The following CENPP variants were observed in gnomAD, a reference collection of about 807,000 sequenced individuals.
The protein encoded by CENPP is centromere protein P.
A neutral mutation model predicts 35.6 loss-of-function variants in CENPP; 24 were observed. That is an observed-to-expected ratio of 0.67 (90% CI 0.49 to 0.95). The LOEUF (loss-of-function observed/expected upper bound fraction) is 0.95. Ranked by LOEUF, CENPP falls within the 40% of genes least tolerant of loss-of-function variation. The pLI, the probability that CENPP is intolerant of heterozygous loss-of-function variation, is 0.00. For synonymous variants in CENPP, 120 were observed against 125.5 expected (o/e 0.96, Z 0.29); for missense variants, 332 against 345.3 (o/e 0.96, Z 0.31).
At chr9:92,351,492 A>C (rs1564273443) in intron 4 of CENPP, among the ~76,000 whole-genome samples, 1 of 151,676 alleles carries the variant, frequency 6.6e-6, no homozygotes, top group African/African-American at 2.4e-5. Context: ...AAAAAAAAAA[A>C]ACCAGAAACT....
chr9:92,438,840 C>A (rs1844311258), intron 5 of CENPP, among the ~76,000 whole-genome samples: 1 of 152,206 alleles, frequency 6.6e-6, no homozygotes, highest in Non-Finnish European at 1.5e-5. Flanking sequence ...GTAATCCCAG[C>A]TGCTTGGGAG....
At position 92,398,922 on chromosome 9, in the gene CENPP, C is replaced by A. The variant is rs1208855692; in HGVS notation, c.564+19063C>A. On this transcript the variant is annotated intron_variant, in intron 5 of 7. Transcript: ENST00000375587. ...CTAAAAATACAATAAATTAGCCTGG[C>A]GTGGTGGCGCGTGCCTGTAATCCCA... Among the ~76,000 whole-genome samples, 4 of 151,872 alleles carry A rather than the reference C, an allele frequency of 2.6e-5. No homozygotes were observed. The East Asian group carries it at 7.7e-4, about 29-fold the overall frequency.
chr9:92,533,303 C>CAAAAAAAAA (rs1174584000), intron 5 of CENPP, among the ~76,000 whole-genome samples: 5 of 29,884 alleles, frequency 1.7e-4, no homozygotes, highest in African/African-American at 2.7e-4. Flanking sequence ...CGGTCTCAAA[C>CAAAAAAAAA]AAAAAAAAAA....
chr9:92,561,331 G>T (rs961568218), intron 5 of CENPP, among the ~76,000 whole-genome samples: 1 of 152,068 alleles, frequency 6.6e-6, no homozygotes, highest in South Asian at 2.1e-4. Flanking sequence ...CCTTATTGTA[G>T]ATAATTCATG....
intron 5 of CENPP, chr9:92,512,013 T>G: frequency 6.2e-7 from 1 of 1,606,304 alleles, no homozygotes. Flanking sequence ...GTATTTACCT[T>G]GAATGCTTTT....
chr9:92,592,334 T>C (rs546945741), intron 5 of CENPP, among the ~76,000 whole-genome samples: 2 of 152,300 alleles, frequency 1.3e-5, no homozygotes, highest in South Asian at 4.1e-4. Flanking sequence ...TGCTGGCTCC[T>C]GACAGCAGGG....
At chr9:92,474,637 A>G in intron 5 of CENPP, 1 of 1,612,306 alleles carries the variant, frequency 6.2e-7, no homozygotes. Context: ...AATCTGAGCA[A>G]TGTACAACTC....
intron 5 of CENPP, among the ~76,000 whole-genome samples, chr9:92,480,089 G>A (rs1178744427): frequency 6.6e-6 from 1 of 152,092 alleles, no homozygotes; most frequent in African/African-American, 2.4e-5. Flanking sequence ...CAGTATTCAG[G>A]TTACTCTATT....
At chr9:92,401,652 C>T (rs1225906146) in intron 5 of CENPP, among the ~76,000 whole-genome samples, 1 of 152,138 alleles carries the variant, frequency 6.6e-6, no homozygotes, top group African/African-American at 2.4e-5. Flanking sequence ...CTTTAGGTCT[C>T]TTCTTGGGGT....
intron 5 of CENPP, among the ~76,000 whole-genome samples, chr9:92,479,572 G>A (rs1184628829): frequency 6.6e-6 from 1 of 152,150 alleles, no homozygotes; most frequent in Non-Finnish European, 1.5e-5. Context: ...AATAGCTCCA[G>A]GGAGAGGATA....
At chr9:92,496,232 G>C in intron 5 of CENPP, 1 of 1,495,580 alleles carries the variant, frequency 6.7e-7, no homozygotes, top group Non-Finnish European at 8.8e-7. Context: ...ATAACAGGAG[G>C]ATTATGTCTC....
At chr9:92,357,673 T>C (rs1318315395) in intron 4 of CENPP, among the ~76,000 whole-genome samples, 1 of 151,954 alleles carries the variant, frequency 6.6e-6, no homozygotes, top group African/African-American at 2.4e-5. Flanking sequence ...TTTTTTTGTA[T>C]TTTTATTAGA....
intron 5 of CENPP, among the ~76,000 whole-genome samples, chr9:92,543,511 G>C (rs569809485): frequency 7.1e-6 from 1 of 141,694 alleles, no homozygotes; most frequent in Non-Finnish European, 1.5e-5. Context: ...GATTGCATTA[G>C]CTATTCAGGG....
intron 5 of CENPP, among the ~76,000 whole-genome samples, chr9:92,435,704 T>C (rs1381894456): frequency 6.6e-6 from 1 of 152,232 alleles, no homozygotes. Flanking sequence ...TAAACATAAT[T>C]ATCTGGGGAT....
At chr9:92,542,579 C>T (rs1048251780) in intron 5 of CENPP, among the ~76,000 whole-genome samples, 10 of 151,946 alleles carry the variant, frequency 6.6e-5, no homozygotes, top group South Asian at 2.1e-4. Flanking sequence ...TGCAGTGGCA[C>T]GATCATGGCT....
At chr9:92,344,271 C>T (rs570826906) in intron 3 of CENPP, among the ~76,000 whole-genome samples, 1 of 152,164 alleles carries the variant, frequency 6.6e-6, no homozygotes, top group East Asian at 1.9e-4. Flanking sequence ...ATTCTATAAC[C>T]CAACAAAAAA....
At chr9:92,603,650 C>T (rs1850990642) in intron 5 of CENPP, among the ~76,000 whole-genome samples, 1 of 152,180 alleles carries the variant, frequency 6.6e-6, no homozygotes, top group African/African-American at 2.4e-5. Context: ...CCTCTCCTGC[C>T]TTACCTCACA....
At position 92,379,775 on chromosome 9, in the gene CENPP, A is replaced by G; in HGVS notation, c.480A>G (p.Arg160=). ...LSEFVSRAEE[R]KDLFMFFRSL... ...TTTATTCCTACAGAGCAGAAGAGAG[A>G]AAAGATCTGTTCATGTTTTTCCGAA... Residue 160 remains arginine, a synonymous_variant, in exon 5 of 8, where the codon AGA becomes AGG. Coordinates refer to ENST00000375587, the MANE Select transcript of CENPP (RefSeq NM_001012267.3). The G allele has an allele frequency of 6.2e-7, 1 of 1,609,516 alleles. No homozygotes were observed. The highest frequency in any genetic ancestry group is 8.5e-7 in the Non-Finnish European group (1 of 1,175,880).
chr9:92,437,425 T>A (rs938171434), intron 5 of CENPP, among the ~76,000 whole-genome samples: 28 of 151,594 alleles, frequency 1.8e-4, no homozygotes, highest in Non-Finnish European at 2.5e-4. Flanking sequence ...TGTTTTTTTT[T>A]TTTGGACAGA....
Sources: gnomAD v4.1 joint callset for allele counts (sites outside exome capture counted in the v4.1 genomes callset) on GRCh38, gnomAD v4.1.1 for gene constraint, MANE v1.5 for transcripts, NCBI Gene and HGNC (gene_info 2026-07-23, HGNC 2026-07-21) for gene names.